Variants in CFAP54 observed in about 807,000 individuals in gnomAD.
CFAP54 encodes the protein cilia and flagella associated protein 54, also known as cilia- and flagella-associated protein 54.
CFAP54 carries 290 observed loss-of-function variants against 370.4 expected under a neutral mutation model. The ratio of observed to expected loss-of-function variants is 0.78; its 90% CI spans 0.71 to 0.86. The LOEUF (loss-of-function observed/expected upper bound fraction) is 0.86. Among genes scored for constraint, CFAP54 ranks in the 40% least tolerant of loss-of-function variants. CFAP54 has a pLI of 0.00. For synonymous variants in CFAP54, 1,206 were observed against 1,236.5 expected, an observed-to-expected ratio of 0.98 and a Z score of 0.52; for missense variants, 3,399 against 3,528.7, an observed-to-expected ratio of 0.96 and a Z score of 0.93.
intron 63 of CFAP54, among the ~76,000 whole-genome samples, chr12:96,808,671 C>T (rs1396934584): frequency 1.3e-5 from 2 of 152,098 alleles, no homozygotes; most frequent in Admixed American, 1.3e-4. Context: ...CGTGTGAGCC[C>T]AGACTTAATA....
At chr12:96,617,904 G>A (rs1029845050) in intron 26 of CFAP54, among the ~76,000 whole-genome samples, 4 of 151,550 alleles carry the variant, frequency 2.6e-5, no homozygotes, top group Non-Finnish European at 5.9e-5. Flanking sequence ...GCAGGAGAAT[G>A]GCGTGAACCC....
Position 96,591,799 on chromosome 12 carries a change from G to A in CFAP54, c.3213-691G>A, listed in dbSNP as rs527692826. Among the ~76,000 whole-genome samples the A allele has an allele frequency of 4.6e-3, 704 of 151,756 alleles. 1 individual carries two copies. The highest frequency in any genetic ancestry group is 8.4e-3 in the Non-Finnish European group (569 of 67,914). On this transcript the variant is annotated intron_variant, in intron 23 of 67. Transcript: ENST00000524981. The stretch of plus-strand genomic sequence containing the variant: ...CCAGCTACACGGGAGGCTGAGGCAG[G>A]AGAATGGCGTGAACCCGGGAGGCGG...
At chr12:96,527,569 T>A in intron 9 of CFAP54, 125 bp downstream of exon 9, 1 of 601,512 alleles carries the variant, frequency 1.7e-6, no homozygotes, top group African/African-American at 1.9e-5. Flanking sequence ...TTTTGTTTGG[T>A]TGTTTGTTTG....
chr12:96,814,803 G>A (rs1053975814), intron 64 of CFAP54, among the ~76,000 whole-genome samples: 1 of 152,150 alleles, frequency 6.6e-6, no homozygotes, highest in Non-Finnish European at 1.5e-5. Context: ...AGAACATGCA[G>A]GGTTTGGTTT....
Position 96,837,771 on chromosome 12 carries a change from T to C in CFAP54, c.9171+8683T>C, listed in dbSNP as rs1049607519. On this transcript the variant is annotated intron_variant, in intron 66 of 67. Coordinates refer to ENST00000524981, the MANE Select transcript of CFAP54 (RefSeq NM_001306084.2). Reference sequence around the variant, plus strand: ...GTAAACATTTGTGAAGTGCCACCTTTGTACCAGCCATTGGGCTAGGTCCTG... The same window carrying C: ...GTAAACATTTGTGAAGTGCCACCTTCGTACCAGCCATTGGGCTAGGTCCTG... Among the ~76,000 whole-genome samples the C allele has an allele frequency of 4.6e-5, 7 of 152,336 alleles. No individual in the cohort carries two copies. In the East Asian group the frequency reaches 9.6e-4, roughly 21 times the overall value.
chr12:96,630,695 A>G (rs1332519495), intron 32 of CFAP54, 44 bp downstream of exon 32: 3 of 1,257,534 alleles, frequency 2.4e-6, no homozygotes, highest in South Asian at 1.7e-5. Context: ...ACTTGAGGGT[A>G]ACTATGTGTT....
At chr12:96,825,329 A>C (rs1197066945) in intron 65 of CFAP54, among the ~76,000 whole-genome samples, 1 of 125,544 alleles carries the variant, frequency 8.0e-6, no homozygotes, top group East Asian at 2.3e-4. Context: ...TATATTATAT[A>C]ACATGTTATA....
At chr12:96,619,681 G>C (rs1956463460) in intron 26 of CFAP54, among the ~76,000 whole-genome samples, 1 of 152,136 alleles carries the variant, frequency 6.6e-6, no homozygotes, top group African/African-American at 2.4e-5. Context: ...CATATTAAAA[G>C]AAGGGGAAAA....
intron 63 of CFAP54, among the ~76,000 whole-genome samples, chr12:96,810,358 T>TA (rs1958918576): frequency 1.3e-5 from 2 of 152,188 alleles, no homozygotes; most frequent in South Asian, 4.1e-4. Context: ...CTTGTGTACT[T>TA]ACGCCTTTTA....
intron 44 of CFAP54, among the ~76,000 whole-genome samples, chr12:96,691,648 A>T (rs1957389888): frequency 6.6e-6 from 1 of 152,190 alleles, no homozygotes; most frequent in Admixed American, 6.5e-5. Flanking sequence ...TAAGTTGTTC[A>T]GGTTATATCA....
At chr12:96,531,805 G>C (rs1229772317) in intron 9 of CFAP54, among the ~76,000 whole-genome samples, 1 of 152,158 alleles carries the variant, frequency 6.6e-6, no homozygotes, top group Non-Finnish European at 1.5e-5. Context: ...GCTCACTGCA[G>C]CCTCTGCCTC....
intron 39 of CFAP54, among the ~76,000 whole-genome samples, chr12:96,677,689 T>G (rs1957227350): frequency 6.6e-6 from 1 of 152,142 alleles, no homozygotes; most frequent in South Asian, 2.1e-4. Flanking sequence ...AAGAACCACT[T>G]TGGCCTAAGT....
intron 66 of CFAP54, among the ~76,000 whole-genome samples, chr12:96,838,974 GTA>G (rs2136771945): frequency 6.6e-6 from 1 of 152,310 alleles, no homozygotes; most frequent in East Asian, 1.9e-4. Flanking sequence ...ACCATTGTCA[GTA>G]TGTTAAGATG....
chr12:96,491,481 C>T (rs1006230973), intron 1 of CFAP54, among the ~76,000 whole-genome samples: 15 of 152,046 alleles, frequency 9.9e-5, no homozygotes, highest in African/African-American at 3.6e-4. Context: ...TGATGAATAG[C>T]TAAGGGAGTG....
intron 1 of CFAP54, among the ~76,000 whole-genome samples, chr12:96,499,959 A>AAACAC (rs1955006758): frequency 6.6e-6 from 1 of 151,362 alleles, no homozygotes; most frequent in African/African-American, 2.4e-5. Flanking sequence ...AAACAAAACA[A>AAACAC]AACAAAACAA....
intron 26 of CFAP54, among the ~76,000 whole-genome samples, chr12:96,618,977 A>G (rs1174285922): frequency 6.6e-6 from 1 of 152,132 alleles, no homozygotes; most frequent in Non-Finnish European, 1.5e-5. Context: ...CAATCCTCGC[A>G]TATCAGCCTC....
chr12:96,627,274 C>A (rs143264191), intron 30 of CFAP54, among the ~76,000 whole-genome samples: 1 of 152,132 alleles, frequency 6.6e-6, no homozygotes, highest in Non-Finnish European at 1.5e-5. Context: ...TCATTTACCA[C>A]GTGTTTGTAA....
intron 66 of CFAP54, among the ~76,000 whole-genome samples, chr12:96,840,637 T>TG (rs1959207645): frequency 6.6e-6 from 1 of 150,866 alleles, no homozygotes; most frequent in African/African-American, 2.4e-5. Context: ...TTTTTTTTTT[T>TG]TTTTACAAAC....
chr12:96,691,386 G>C lies in CFAP54; in HGVS notation c.6264+76G>C, dbSNP rs1015185275. The C allele has an allele frequency of 5.5e-6, 6 of 1,095,286 alleles. No individual in the cohort carries two copies. The Admixed American group carries it at 1.7e-4, about 31-fold the overall frequency. The allele number at this position is 1,095,286 out of a possible 1,614,324, so 67.8% of individuals were successfully genotyped here. Reference sequence around the variant, plus strand: ...ACTTACCTCATACTTTTAAAATTTTGCTAATGTTCTTTTGGTCAGTTACTG... The same window carrying C: ...ACTTACCTCATACTTTTAAAATTTTCCTAATGTTCTTTTGGTCAGTTACTG... On this transcript the variant is annotated intron_variant, in intron 44 of 67. Transcript: ENST00000524981.
Sources: gnomAD v4.1 joint callset for allele counts (sites outside exome capture counted in the v4.1 genomes callset) on GRCh38, gnomAD v4.1.1 for gene constraint, MANE v1.5 for transcripts, NCBI Gene and HGNC (gene_info 2026-07-23, HGNC 2026-07-21) for gene names.